Variants in SEPTIN6 observed in about 807,000 individuals in gnomAD.
The protein encoded by SEPTIN6 is septin-6.
SEPTIN6 carries 8 observed loss-of-function variants against 33.6 expected under a neutral mutation model. That is an observed-to-expected ratio of 0.24 (90% CI 0.14 to 0.43). The LOEUF is 0.43. SEPTIN6 is among the 20% of genes least tolerant of loss of function. The pLI is 1.00. For missense variants in SEPTIN6, 250 were observed against 340.8 expected, an observed-to-expected ratio of 0.73 and a Z score of 2.10; for synonymous variants, 131 against 140.0, an observed-to-expected ratio of 0.94 and a Z score of 0.45.
chrX:119,668,211 G>A (rs2054679221), intron 2 of SEPTIN6, among the ~76,000 whole-genome samples: 1 of 110,422 alleles, frequency 9.1e-6, no homozygotes, highest in South Asian at 3.8e-4. Context: ...GTGGAGAATC[G>A]TTTGAACCCG....
At chrX:119,636,215 G>C (rs757560635) in intron 7 of SEPTIN6, among the ~76,000 whole-genome samples, 1 of 111,640 alleles carries the variant, frequency 9.0e-6, no homozygotes, top group African/African-American at 3.3e-5. Context: ...AGATCTCAGA[G>C]GCTCTTTGAA....
chrX:119,662,382 C>G (rs2054563343), intron 3 of SEPTIN6, among the ~76,000 whole-genome samples: 1 of 111,798 alleles, frequency 8.9e-6, no homozygotes, highest in Admixed American at 9.5e-5. Context: ...CCCTGGTTCT[C>G]TTACGGAATG....
chrX:119,659,134 AT>A (rs1209512070), intron 3 of SEPTIN6, among the ~76,000 whole-genome samples: 1 of 111,663 alleles, frequency 9.0e-6, no homozygotes. Context: ...ATGGGAATCT[AT>A]TTTTGTGAAT....
intron 1 of SEPTIN6, among the ~76,000 whole-genome samples, chrX:119,691,740 C>T (rs750733828): frequency 8.9e-6 from 1 of 112,382 alleles, no homozygotes; most frequent in East Asian, 2.8e-4. Flanking sequence ...TCAATTACAC[C>T]AAATACCTAG....
rs201351680 is a variant in SEPTIN6, at chrX:119,651,101, G to C, written c.529-1003C>G. Among the ~76,000 whole-genome samples the C allele has an allele frequency of 5.4e-5, 6 of 110,760 alleles. No homozygotes were observed. In the East Asian group the frequency reaches 1.4e-3, roughly 26 times the overall value. ...CTGCCAGTAGACTCCAACGGGGGGT[G>C]GGGGAGGGGCATAGGTGGCACTCAG... On this transcript the variant is annotated intron_variant, in intron 4 of 10. Transcript: ENST00000394610.
chrX:119,684,258 T>TTATTATTACA (rs1469525485), intron 1 of SEPTIN6, among the ~76,000 whole-genome samples: 1 of 111,351 alleles, frequency 9.0e-6, no homozygotes, highest in African/African-American at 3.3e-5. Context: ...TTATTATAAC[T>TTATTATTACA]TATTATTACA....
intron 7 of SEPTIN6, chrX:119,635,210 G>T: frequency 3.3e-6 from 1 of 301,723 alleles, no homozygotes; most frequent in African/African-American, 2.7e-5. Flanking sequence ...GGAGACACAT[G>T]CTTAAGAGGG....
At chrX:119,687,395 C>T (rs1476597187) in intron 1 of SEPTIN6, among the ~76,000 whole-genome samples, 1 of 109,696 alleles carries the variant, frequency 9.1e-6, no homozygotes, top group Non-Finnish European at 1.9e-5. Flanking sequence ...GGACTACAGG[C>T]ACCCGCCACC....
At chrX:119,623,575 C>T (rs187486300) in intron 10 of SEPTIN6, among the ~76,000 whole-genome samples, 1,146 of 112,203 alleles carry the variant, frequency 0.01, 6 homozygotes, top group Non-Finnish European at 0.015. Context: ...CGGTGGCTCA[C>T]GCCTGTAATC....
At chrX:119,658,938 CTTTTG>C (rs1203088013) in intron 3 of SEPTIN6, among the ~76,000 whole-genome samples, 1 of 111,927 alleles carries the variant, frequency 8.9e-6, no homozygotes, top group African/African-American at 3.2e-5. Context: ...CTTGTTTGTA[CTTTTG>C]TTTATGGTAT....
At position 119,640,553 on chromosome X, in the gene SEPTIN6, C is replaced by T. The variant is rs2054142238; in HGVS notation, c.787+139G>A. ...AGCCAGAGTTAGCTTGCTAGTGACC[C>T]CTATGGCTATTTGGGACCCATGCCG... On this transcript the variant is annotated intron_variant, in intron 6 of 10. Coordinates refer to ENST00000394610, the MANE Select transcript of SEPTIN6 (RefSeq NM_145799.4). The T allele has an allele frequency of 2.1e-6, 1 of 475,385 alleles. No homozygotes were observed. The highest frequency in any genetic ancestry group is 2.4e-5 in the African/African-American group (1 of 40,858). The allele number at this position is 475,385 out of a possible 1,213,427, so 39.2% of individuals were successfully genotyped here. A position where few individuals can be genotyped will look rare whatever the true frequency, so the allele number is the denominator to read the frequency against.
chrX:119,621,209 A>G (rs2053754700), intron 10 of SEPTIN6, among the ~76,000 whole-genome samples: 1 of 110,010 alleles, frequency 9.1e-6, no homozygotes, highest in African/African-American at 3.3e-5. Flanking sequence ...TATGGGGATG[A>G]TTGCAGAACT....
intron 10 of SEPTIN6, among the ~76,000 whole-genome samples, chrX:119,620,784 C>T (rs756581585): frequency 1.4e-4 from 15 of 109,872 alleles, no homozygotes; most frequent in Admixed American, 8.8e-4. Flanking sequence ...CCACGCTCGG[C>T]TAATTTTTGT....
intron 10 of SEPTIN6, chrX:119,623,995 T>G: frequency 3.5e-6 from 1 of 286,296 alleles, no homozygotes; most frequent in Non-Finnish European, 6.8e-6. Flanking sequence ...CTTTATAAAC[T>G]TCTATTAACA....
At chrX:119,628,504 C>CTTTT (rs766806075) in intron 9 of SEPTIN6, among the ~76,000 whole-genome samples, 1 of 78,388 alleles carries the variant, frequency 1.3e-5, no homozygotes, top group Non-Finnish European at 2.4e-5. Context: ...GTCTTGAACT[C>CTTTT]TTTTTTTTTT....
At chrX:119,640,166 G>GGGTTTTTTTTT (rs2054132857) in intron 6 of SEPTIN6, among the ~76,000 whole-genome samples, 1 of 23,034 alleles carries the variant, frequency 4.3e-5, no homozygotes, top group Non-Finnish European at 7.2e-5. Context: ...CCACTATCCA[G>GGGTTTTTTTTT]TCTTTTTTTT....
chrX:119,625,079 C>T (rs2053838591), intron 10 of SEPTIN6, among the ~76,000 whole-genome samples: 1 of 111,793 alleles, frequency 8.9e-6, no homozygotes. Flanking sequence ...CAGGATCCAC[C>T]TGTGTTACCC....
intron 10 of SEPTIN6, chrX:119,624,161 T>A: frequency 4.8e-6 from 1 of 210,295 alleles, no homozygotes. Context: ...TTTTTTGTTT[T>A]TTTTTTTGTT....
chrX:119,660,065 G>A (rs184837722), intron 3 of SEPTIN6, among the ~76,000 whole-genome samples: 5,259 of 111,382 alleles, frequency 0.047, 284 homozygotes, highest in African/African-American at 0.16. Flanking sequence ...GTAGAGACGG[G>A]GGTTTCACCA....
Sources: allele counts gnomAD v4.1 joint callset (sites outside exome capture counted in the v4.1 genomes callset), GRCh38; gene constraint gnomAD v4.1.1; transcripts MANE v1.5; gene names NCBI Gene and HGNC (gene_info 2026-07-23, HGNC 2026-07-21).